SPHKAP: variants seen among roughly 807,000 people sequenced by gnomAD.
The protein encoded by SPHKAP is SPHK1 interactor, AKAP domain containing, also known as A-kinase anchor protein SPHKAP.
SPHKAP carries 67 observed loss-of-function variants against 137.5 expected under a neutral mutation model. That is an observed-to-expected ratio of 0.49 (90% CI 0.40 to 0.60). SPHKAP has a LOEUF of 0.60. Ranked by LOEUF, SPHKAP falls within the 20% of genes least tolerant of loss-of-function variation. The probability of loss-of-function intolerance (pLI) is 0.00; values close to 1 mark genes in which losing one functional copy is unlikely to be tolerated. For synonymous variants in SPHKAP, 813 were observed against 785.3 expected (o/e 1.04, Z -0.59); for missense variants, 2,097 against 2,069.3 (o/e 1.01, Z -0.26).
intron 2 of SPHKAP, among the ~76,000 whole-genome samples, chr2:228,131,059 C>T (rs1699234445): frequency 6.6e-6 from 1 of 151,896 alleles, no homozygotes; most frequent in Non-Finnish European, 1.5e-5. Context: ...AAAAGTCACA[C>T]AAGCAGAGAA....
At chr2:228,035,875 A>G (rs1239727775) in intron 3 of SPHKAP, among the ~76,000 whole-genome samples, 1 of 152,082 alleles carries the variant, frequency 6.6e-6, no homozygotes. Context: ...CTATACAAAA[A>G]TTAATTCAAG....
At chr2:228,176,528 C>A (rs1395098292) in intron 1 of SPHKAP, among the ~76,000 whole-genome samples, 1 of 152,154 alleles carries the variant, frequency 6.6e-6, no homozygotes, top group Non-Finnish European at 1.5e-5. Flanking sequence ...GGTAACTTGC[C>A]CAGACAGTCT....
At chr2:228,179,599 G>A (rs1339643168) in intron 1 of SPHKAP, among the ~76,000 whole-genome samples, 1 of 152,052 alleles carries the variant, frequency 6.6e-6, no homozygotes, top group East Asian at 1.9e-4. Flanking sequence ...TAAAATACCG[G>A]AAATTACTAC....
chr2:228,002,509 T>C (rs1169295001), intron 7 of SPHKAP, among the ~76,000 whole-genome samples: 3 of 152,242 alleles, frequency 2.0e-5, no homozygotes, highest in Non-Finnish European at 2.9e-5. Context: ...TTCTCCCATT[T>C]TGTAGGTTGC....
chr2:228,156,759 G>A (rs1441584775), intron 1 of SPHKAP, among the ~76,000 whole-genome samples: 1 of 152,092 alleles, frequency 6.6e-6, no homozygotes, highest in African/African-American at 2.4e-5. Context: ...TTATGATAGC[G>A]ACTAAGTCTC....
intron 3 of SPHKAP, among the ~76,000 whole-genome samples, chr2:228,063,174 A>ATCTATCTATCTATCTGTCTG (rs756046439): frequency 5.1e-4 from 75 of 147,272 alleles, no homozygotes; most frequent in African/African-American, 1.6e-3. Flanking sequence ...CTATCTATCT[A>ATCTATCTATCTATCTGTCTG]TCTGTCTGTC....
At chr2:228,038,569 G>A (rs915661305) in intron 3 of SPHKAP, among the ~76,000 whole-genome samples, 4 of 152,156 alleles carry the variant, frequency 2.6e-5, no homozygotes, top group Non-Finnish European at 5.9e-5. Flanking sequence ...ATGCCTGCAT[G>A]AGCAAATCCA....
intron 2 of SPHKAP, among the ~76,000 whole-genome samples, chr2:228,118,246 T>C (rs1304492371): frequency 4.6e-5 from 3 of 65,374 alleles, no homozygotes; most frequent in South Asian, 7.8e-4. Context: ...CACAGTTTTT[T>C]TTTTTTTTTT....
chr2:228,160,589 A>G (rs1216234675), intron 1 of SPHKAP, among the ~76,000 whole-genome samples: 1 of 152,170 alleles, frequency 6.6e-6, no homozygotes, highest in African/African-American at 2.4e-5. Flanking sequence ...AATCGCCCCT[A>G]TGATTTAATT....
intron 1 of SPHKAP, among the ~76,000 whole-genome samples, chr2:228,134,858 A>G (rs575508111): frequency 6.6e-6 from 1 of 152,308 alleles, no homozygotes; most frequent in African/African-American, 2.4e-5. Context: ...TATGCCCAGT[A>G]CTAAGACATC....
intron 2 of SPHKAP, among the ~76,000 whole-genome samples, chr2:228,128,880 T>C (rs967220720): frequency 2.0e-5 from 3 of 152,200 alleles, no homozygotes; most frequent in Admixed American, 6.5e-5. Context: ...CAGTAAACCA[T>C]GCTGTAAACA....
At chr2:228,029,898 C>T (rs1425417270) in intron 3 of SPHKAP, among the ~76,000 whole-genome samples, 1 of 151,988 alleles carries the variant, frequency 6.6e-6, no homozygotes, top group Non-Finnish European at 1.5e-5. Context: ...TATTATCATG[C>T]ATCACAGTGG....
intron 3 of SPHKAP, among the ~76,000 whole-genome samples, chr2:228,067,668 T>C (rs988688299): frequency 2.0e-5 from 3 of 152,202 alleles, no homozygotes; most frequent in Non-Finnish European, 2.9e-5. Context: ...CAGGTACAGG[T>C]AAGATTTTTT....
chr2:228,044,979 C>CA (rs1695981049), intron 3 of SPHKAP, among the ~76,000 whole-genome samples: 3 of 151,804 alleles, frequency 2.0e-5, no homozygotes, highest in Admixed American at 2.0e-4. Context: ...TTTATGCAGC[C>CA]AAAAAACACA....
intron 1 of SPHKAP, among the ~76,000 whole-genome samples, chr2:228,165,910 AT>A (rs1365952209): frequency 6.6e-6 from 1 of 152,196 alleles, no homozygotes; most frequent in Non-Finnish European, 1.5e-5. Flanking sequence ...TATGATTTTT[AT>A]TTAAGTAAAA....
intron 3 of SPHKAP, 39 bp downstream of exon 3, chr2:228,108,793 G>C (rs777247107): frequency 6.7e-7 from 1 of 1,486,910 alleles, no homozygotes; most frequent in Non-Finnish European, 9.3e-7. Flanking sequence ...CCGCTTCCCT[G>C]CTTTATCAGA....
intron 1 of SPHKAP, among the ~76,000 whole-genome samples, chr2:228,166,592 C>G (rs141577758): frequency 6.6e-6 from 1 of 152,144 alleles, no homozygotes; most frequent in Non-Finnish European, 1.5e-5. Flanking sequence ...ATATCTTCTC[C>G]TTTCCTGCCT....
At chr2:228,093,875 A>AAAAAC (rs1697896366) in intron 3 of SPHKAP, among the ~76,000 whole-genome samples, 1 of 150,604 alleles carries the variant, frequency 6.6e-6, no homozygotes, top group Non-Finnish European at 1.5e-5. Flanking sequence ...AAAAAAAAAA[A>AAAAAC]AAAAAAAAAA....
intron 7 of SPHKAP, among the ~76,000 whole-genome samples, chr2:228,004,836 C>T (rs553791378): frequency 1.3e-5 from 2 of 152,014 alleles, no homozygotes; most frequent in African/African-American, 2.4e-5. Flanking sequence ...TTCAGTAGCA[C>T]GTTGTTCAGT....
Sources: gnomAD v4.1 joint callset for allele counts (sites outside exome capture counted in the v4.1 genomes callset) on GRCh38, gnomAD v4.1.1 for gene constraint, MANE v1.5 for transcripts, NCBI Gene and HGNC (gene_info 2026-07-23, HGNC 2026-07-21) for gene names.